FRAS1: variants seen among roughly 807,000 people sequenced by gnomAD.
FRAS1 encodes the protein extracellular matrix organizing protein FRAS1.
Under a neutral mutation model 435.2 loss-of-function variants are expected in FRAS1, and 290 were observed. The observed-to-expected ratio is 0.67, with a 90% CI of 0.61 to 0.73. FRAS1 has a LOEUF of 0.73. FRAS1 is among the 30% of genes least tolerant of loss of function. FRAS1 has a pLI of 0.00. For synonymous variants in FRAS1, 1,800 were observed against 1,851.0 expected, an observed-to-expected ratio of 0.97 and a Z score of 0.71; for missense variants, 4,860 against 5,001.5, an observed-to-expected ratio of 0.97 and a Z score of 0.85.
At chr4:78,063,565 A>G (rs780966281) in intron 1 of FRAS1, among the ~76,000 whole-genome samples, 5 of 152,196 alleles carry the variant, frequency 3.3e-5, no homozygotes, top group Non-Finnish European at 7.3e-5. Context: ...GCAGCTCTAC[A>G]CCATTTTGGC....
At chr4:78,516,932 A>T (rs991429026) in intron 66 of FRAS1, among the ~76,000 whole-genome samples, 11 of 152,190 alleles carry the variant, frequency 7.2e-5, no homozygotes, top group Non-Finnish European at 1.6e-4. Context: ...ATTAGTGACA[A>T]CTGAAAAATT....
chr4:78,067,591 C>G (rs1372438000), intron 2 of FRAS1, among the ~76,000 whole-genome samples: 17 of 151,906 alleles, frequency 1.1e-4, no homozygotes, highest in Non-Finnish European at 1.5e-5. Context: ...CCCACACCAG[C>G]ACGCTCCTCA....
chr4:78,235,682 C>T (rs771286339), intron 2 of FRAS1, among the ~76,000 whole-genome samples: 27 of 152,216 alleles, frequency 1.8e-4, no homozygotes, highest in Non-Finnish European at 3.8e-4. Flanking sequence ...GGCTCAGTGG[C>T]TCATGCCTGT....
At chr4:78,334,369 T>C (rs1189223374) in intron 19 of FRAS1, among the ~76,000 whole-genome samples, 1 of 97,244 alleles carries the variant, frequency 1.0e-5, no homozygotes, top group Non-Finnish European at 2.3e-5. Flanking sequence ...TTTTCTTTTT[T>C]TTTTTTTTTT....
rs374396937 is a variant in FRAS1 at position 78,384,107 on chromosome 4, G to A, written c.3612G>A (p.Glu1204=). The change falls in exon 28 of 74, where the codon GAG becomes GAA. Residue 1204 remains glutamate (E), a synonymous_variant. Coordinates refer to ENST00000512123, the MANE Select transcript of FRAS1 (RefSeq NM_025074.7). ...LKISDQQFFS[E]PQLINIQAFS... ...TTAGTGACCAGCAGTTCTTCTCTGA[G>A]CCACAGCTGATCAACATACAAGCAT... 11 of 1,605,386 alleles carry A rather than the reference G, an allele frequency of 6.9e-6. No individual in the cohort carries two copies. In the African/African-American group the frequency reaches 1.5e-4, roughly 22 times the overall value.
rs761355238 is a variant in FRAS1, at chr4:78,513,394, T to A, written c.10016T>A (p.Ile3339Asn). Reference protein sequence around the residue: ...DVKHKEHPNRIHISVQIPHQD... With the variant: ...DVKHKEHPNRNHISVQIPHQD... ...TATTTCTGCCTTTTTCCCCCTAGAA[T>A]CCACATTTCGGTGCAGATCCCACAC... The change falls in exon 65 of 74, where the codon ATC (isoleucine) becomes AAC (asparagine). Residue 3339 changes from isoleucine (I) to asparagine (N), a missense_variant and splice_region_variant. Ile to Asn is a moderately radical substitution (Grantham distance 149). Coordinates refer to ENST00000512123, the MANE Select transcript of FRAS1 (RefSeq NM_025074.7). 1.2e-6 allele frequency: 2 copies of A among 1,613,686 alleles called. No individual in the cohort carries two copies. The highest frequency in any genetic ancestry group is 3.3e-5 in the Admixed American group (2 of 59,988).
intron 2 of FRAS1, among the ~76,000 whole-genome samples, chr4:78,159,644 GCCAAGGAGGGTAGATCA>G (rs1721050397): frequency 6.6e-6 from 1 of 152,164 alleles, no homozygotes; most frequent in African/African-American, 2.4e-5. Flanking sequence ...ACTTTGGGAG[GCCAAGGAGGGTAGATCA>G]CTTGAGGTCA....
At chr4:78,305,494 T>G (rs1728663744) in intron 14 of FRAS1, among the ~76,000 whole-genome samples, 2 of 149,570 alleles carry the variant, frequency 1.3e-5, no homozygotes, top group Non-Finnish European at 3.0e-5. Context: ...TGTGTGGGAG[T>G]CTAAGTCTCT....
At chr4:78,477,053 T>C (rs942920033) in intron 54 of FRAS1, among the ~76,000 whole-genome samples, 1 of 151,770 alleles carries the variant, frequency 6.6e-6, no homozygotes. Context: ...TGTGTACATA[T>C]AAAATAATTT....
At chr4:78,495,902 AAC>A (rs1260916372) in intron 59 of FRAS1, among the ~76,000 whole-genome samples, 7 of 152,160 alleles carry the variant, frequency 4.6e-5, no homozygotes, top group African/African-American at 1.4e-4. Flanking sequence ...GAGGAAAAAA[AAC>A]ACAACATTCT....
chr4:78,445,706 C>T lies in FRAS1; in HGVS notation c.5850C>T (p.Thr1950=). ...CAGAAATTCACAGCATCAATATCACCATTGAGGTAAAGACTTTGGAAGTTG... is the reference window on the plus strand; with the variant it reads ...CAGAAATTCACAGCATCAATATCACTATTGAGGTAAAGACTTTGGAAGTTG... ...SRSEIHSINI[T]IERKNDEPPR... Residue 1950 remains threonine (T), a synonymous_variant, in exon 42 of 74, where the codon ACC becomes ACT. Transcript: ENST00000512123. 6.2e-7 allele frequency: 1 copy of T among 1,613,826 alleles called. No individual in the cohort carries two copies. The highest frequency in any genetic ancestry group is 8.5e-7 in the Non-Finnish European group (1 of 1,179,810).
At chr4:78,250,287 A>G (rs2110130896) in intron 4 of FRAS1, among the ~76,000 whole-genome samples, 1 of 152,278 alleles carries the variant, frequency 6.6e-6, no homozygotes, top group South Asian at 2.1e-4. Context: ...GAGATAGATA[A>G]TACATACAGA....
chr4:78,181,918 C>T, intron 2 of FRAS1: 2 of 1,609,596 alleles, frequency 1.2e-6, no homozygotes, highest in Non-Finnish European at 1.7e-6. Context: ...CAACGCCACC[C>T]CTGCCGGCTT....
At chr4:78,134,113 C>T (rs1330413744) in intron 2 of FRAS1, among the ~76,000 whole-genome samples, 1 of 152,038 alleles carries the variant, frequency 6.6e-6, no homozygotes, top group African/African-American at 2.4e-5. Flanking sequence ...CGCCCACCAC[C>T]ATGCCTGGCT....
chr4:78,127,946 C>T (rs1719462834), intron 2 of FRAS1, among the ~76,000 whole-genome samples: 1 of 142,352 alleles, frequency 7.0e-6, no homozygotes, highest in Admixed American at 7.2e-5. Flanking sequence ...TGTTCCCTTT[C>T]CTGTGTCCAT....
chr4:78,278,050 C>T (rs973276638), intron 9 of FRAS1, among the ~76,000 whole-genome samples: 1 of 152,158 alleles, frequency 6.6e-6, no homozygotes, highest in South Asian at 2.1e-4. Context: ...CCGCCCGCCT[C>T]GGCCTCCCAA....
At chr4:78,240,267 A>G (rs1298994446) in intron 3 of FRAS1, among the ~76,000 whole-genome samples, 1 of 152,188 alleles carries the variant, frequency 6.6e-6, no homozygotes, top group African/African-American at 2.4e-5. Flanking sequence ...GATAATGCAT[A>G]ATATTAGAAA....
intron 59 of FRAS1, among the ~76,000 whole-genome samples, chr4:78,490,371 TG>T (rs763023268): frequency 7.2e-5 from 11 of 152,202 alleles, no homozygotes; most frequent in Non-Finnish European, 1.5e-4. Flanking sequence ...CAGCACCATA[TG>T]GCACTTATTC....
Position 78,451,791 on chromosome 4 carries a change from T to C in FRAS1, c.6483T>C (p.His2161=). Residue 2161 remains histidine, a synonymous_variant, in exon 46 of 74, where the codon CAT becomes CAC. Transcript: ENST00000512123. ...TTATAGGCCACGTAGAATATAGTCA[T>C]GGAACAGGAGAACCTGGAGGGAGCT... ...DISQGHVEYS[H]GTGEPGGSFA... 3.1e-6 allele frequency: 5 copies of C among 1,611,258 alleles called. No homozygotes were observed. Among genetic ancestry groups the C allele is most frequent in the Non-Finnish European group, 2.5e-6 (3 of 1,178,300 alleles).
Sources: allele counts gnomAD v4.1 joint callset (sites outside exome capture counted in the v4.1 genomes callset), GRCh38; gene constraint gnomAD v4.1.1; transcripts MANE v1.5; gene names NCBI Gene and HGNC (gene_info 2026-07-23, HGNC 2026-07-21).